The following PPP1R12A variants were observed in gnomAD, a reference collection of about 807,000 sequenced individuals.
PPP1R12A encodes the protein myosin binding subunit.
In PPP1R12A, 19 loss-of-function variants were observed where a neutral mutation model predicts 139.6. The observed-to-expected ratio is 0.14, with a 90% CI of 0.09 to 0.20. The LOEUF (loss-of-function observed/expected upper bound fraction) is 0.20. Ranked by LOEUF, PPP1R12A falls within the 10% of genes least tolerant of loss-of-function variation. The probability of loss-of-function intolerance (pLI) is 1.00; values close to 1 mark genes in which losing one functional copy is unlikely to be tolerated. For synonymous variants in PPP1R12A, 427 were observed against 420.6 expected (o/e 1.02, Z -0.19); for missense variants, 925 against 1,211.5 (o/e 0.76, Z 3.51).
chr12:79,905,265 CA>C (rs1229671218), intron 1 of PPP1R12A, among the ~76,000 whole-genome samples: 1 of 151,252 alleles, frequency 6.6e-6, no homozygotes, highest in Non-Finnish European at 1.5e-5. Flanking sequence ...AGCTTAACAA[CA>C]AATTAATTTA....
intron 21 of PPP1R12A, chr12:79,788,086 C>T (rs571185679): frequency 1.3e-5 from 2 of 152,436 alleles, no homozygotes; most frequent in African/African-American, 4.8e-5. Flanking sequence ...CACCCGTTCC[C>T]CTAACTTGGC....
intron 1 of PPP1R12A, among the ~76,000 whole-genome samples, chr12:79,885,169 G>A (rs962762737): frequency 3.3e-5 from 5 of 152,016 alleles, no homozygotes; most frequent in Non-Finnish European, 5.9e-5. Flanking sequence ...AGACTGTCTG[G>A]AATTAATCCA....
Position 79,806,220 on chromosome 12 carries a change from G to C in PPP1R12A, c.1769C>G (p.Thr590Arg), listed in dbSNP as rs1425880859. 1.9e-6 allele frequency: 3 copies of C among 1,613,986 alleles called. No homozygotes were observed. Among genetic ancestry groups the C allele is most frequent in the Non-Finnish European group, 2.5e-6 (3 of 1,179,854 alleles). The part of the protein sequence containing the change: ...AGLQKSLLSS[T>R]STTTKITTGS... The stretch of plus-strand genomic sequence containing the variant: ...CGTTGTAATCTTTGTAGTAGTGCTT[G>C]TGCTGGAAAGCAGGCTTTTCTGAAG... The change falls in exon 13 of 25, where the codon ACA becomes AGA. Residue 590 changes from threonine to arginine, a missense_variant. By Grantham distance (71) the Thr-to-Arg change is moderately conservative. Coordinates refer to ENST00000450142, the MANE Select transcript of PPP1R12A (RefSeq NM_002480.3).
intron 1 of PPP1R12A, among the ~76,000 whole-genome samples, chr12:79,881,160 A>C (rs1468507729): frequency 6.6e-6 from 1 of 152,136 alleles, no homozygotes; most frequent in African/African-American, 2.4e-5. Context: ...TAACCCTACA[A>C]TCACCTCTAA....
chr12:79,914,200 T>A lies in PPP1R12A; in HGVS notation c.237+20495A>T, dbSNP rs539800341. On this transcript the variant is annotated intron_variant, in intron 1 of 24. Transcript: ENST00000450142. ...ACAAAAACCTCTTTGGGTTCCTCAA[T>A]TTTTTTTTAGCATTAAAATAATAAC... Among the ~76,000 whole-genome samples the A allele has an allele frequency of 6.6e-5, 10 of 151,178 alleles. No individual in the cohort carries two copies. In the East Asian group the frequency reaches 1.5e-3, roughly 23 times the overall value.
intron 9 of PPP1R12A, among the ~76,000 whole-genome samples, chr12:79,815,321 G>A (rs1005110557): frequency 2.6e-5 from 4 of 152,056 alleles, no homozygotes; most frequent in Non-Finnish European, 5.9e-5. Flanking sequence ...ACAAGGTCAG[G>A]AGTTCGAGAA....
intron 1 of PPP1R12A, among the ~76,000 whole-genome samples, chr12:79,914,593 G>T (rs1366179063): frequency 6.6e-6 from 1 of 151,820 alleles, no homozygotes. Flanking sequence ...CCAGCTTTAT[G>T]TCCCCATCAT....
intron 3 of PPP1R12A, among the ~76,000 whole-genome samples, chr12:79,835,332 A>T (rs1877940231): frequency 6.6e-6 from 1 of 151,952 alleles, no homozygotes; most frequent in Admixed American, 6.6e-5. Context: ...CCAGATTACC[A>T]GCTTCTCTGG....
chr12:79,886,766 A>C (rs1406168465), intron 1 of PPP1R12A, among the ~76,000 whole-genome samples: 1 of 152,212 alleles, frequency 6.6e-6, no homozygotes, highest in Non-Finnish European at 1.5e-5. Flanking sequence ...ATAAATATTC[A>C]TTCAACAAAT....
chr12:79,920,081 A>G (rs1402816348), intron 1 of PPP1R12A, among the ~76,000 whole-genome samples: 1 of 152,162 alleles, frequency 6.6e-6, no homozygotes, highest in Non-Finnish European at 1.5e-5. Context: ...TGCTTCATAC[A>G]CAGATTTGCC....
chr12:79,800,733 CTTTT>C (rs34522404), intron 14 of PPP1R12A, among the ~76,000 whole-genome samples: 3 of 137,098 alleles, frequency 2.2e-5, no homozygotes, highest in Non-Finnish European at 3.2e-5. Context: ...TCAAATGCTA[CTTTT>C]TTTTTTTTTT....
At chr12:79,813,214 A>G (rs575005849) in intron 9 of PPP1R12A, among the ~76,000 whole-genome samples, 27 of 152,266 alleles carry the variant, frequency 1.8e-4, no homozygotes, top group African/African-American at 5.5e-4. Context: ...AAATGGAACA[A>G]TTCATTTTTC....
intron 1 of PPP1R12A, among the ~76,000 whole-genome samples, chr12:79,882,506 G>A (rs1237870279): frequency 6.6e-6 from 1 of 152,200 alleles, no homozygotes; most frequent in Non-Finnish European, 1.5e-5. Flanking sequence ...TAGATGAGGA[G>A]TTATTTCTCA....
At chr12:79,935,313 G>T, upstream of PPP1R12A, 2 of 1,044,928 alleles carry the variant, frequency 1.9e-6, no homozygotes, top group Non-Finnish European at 2.3e-6. Context: ...GCCACCAGAG[G>T]GAAGCGGGTG....
At chr12:79,831,026 C>T (rs1039255014) in intron 4 of PPP1R12A, among the ~76,000 whole-genome samples, 7 of 152,066 alleles carry the variant, frequency 4.6e-5, no homozygotes, top group Admixed American at 4.6e-4. Context: ...TTAAAAAGAT[C>T]ATTTGGAAGC....
intron 20 of PPP1R12A, chr12:79,789,622 C>A (rs11114245): frequency 2.2e-6 from 1 of 452,572 alleles, no homozygotes; most frequent in Non-Finnish European, 4.4e-6. Flanking sequence ...GCCATTGGCT[C>A]TGCATTTCAA....
chr12:79,841,621 C>T (rs1345462242), intron 3 of PPP1R12A, among the ~76,000 whole-genome samples: 1 of 152,186 alleles, frequency 6.6e-6, no homozygotes, highest in African/African-American at 2.4e-5. Flanking sequence ...TTCAGTACAA[C>T]TCCATGCCTT....
intron 4 of PPP1R12A, 23 bp from the exon 5 acceptor site, chr12:79,828,487 G>C (rs773924891): frequency 2.0e-6 from 3 of 1,501,590 alleles, no homozygotes; most frequent in Non-Finnish European, 2.7e-6. Flanking sequence ...CAGTGAATTA[G>C]ACAATCATTA....
chr12:79,925,121 C>A (rs181241997), intron 1 of PPP1R12A, among the ~76,000 whole-genome samples: 1 of 152,190 alleles, frequency 6.6e-6, no homozygotes, highest in Non-Finnish European at 1.5e-5. Context: ...GAAACTCCAA[C>A]AGAAAAGCTC....
Sources: gnomAD v4.1 joint callset for allele counts (sites outside exome capture counted in the v4.1 genomes callset) on GRCh38, gnomAD v4.1.1 for gene constraint, MANE v1.5 for transcripts, NCBI Gene and HGNC (gene_info 2026-07-23, HGNC 2026-07-21) for gene names.